The following EYA3 variants were observed in gnomAD, a reference collection of about 807,000 sequenced individuals.
EYA3 encodes the protein protein phosphatase EYA3.
In EYA3, 39 loss-of-function variants were observed where a neutral mutation model predicts 80.0. The observed-to-expected ratio is 0.49, with a 90% CI of 0.38 to 0.64. EYA3 has a LOEUF of 0.64. Ranked by LOEUF, EYA3 falls within the 30% of genes least tolerant of loss-of-function variation. The pLI is 0.00. For synonymous variants in EYA3, 206 were observed against 232.8 expected, an observed-to-expected ratio of 0.88 and a Z score of 1.05; for missense variants, 523 against 676.1, an observed-to-expected ratio of 0.77 and a Z score of 2.51.
intron 14 of EYA3, 39 bp from the exon 15 acceptor site, chr1:27,989,850 C>T: frequency 7.4e-7 from 1 of 1,355,350 alleles, no homozygotes; most frequent in Non-Finnish European, 1.0e-6. Flanking sequence ...CATTTGACAA[C>T]ATATATTTGC....
At chr1:28,080,621 G>A (rs564267644) in intron 1 of EYA3, among the ~76,000 whole-genome samples, 5 of 150,618 alleles carry the variant, frequency 3.3e-5, no homozygotes, top group African/African-American at 1.2e-4. Context: ...GTATTTTATA[G>A]TGGGTCATGA....
chr1:28,007,488 C>T (rs1416221476), intron 10 of EYA3, among the ~76,000 whole-genome samples: 1 of 151,846 alleles, frequency 6.6e-6, no homozygotes, highest in East Asian at 1.9e-4. Context: ...GCGCCTGCCA[C>T]CATGCCCGTC....
At chr1:28,044,736 G>T (rs777570523) in intron 3 of EYA3, among the ~76,000 whole-genome samples, 21 of 151,566 alleles carry the variant, frequency 1.4e-4, no homozygotes, top group Non-Finnish European at 2.7e-4. Flanking sequence ...TATAATAAGG[G>T]TTTTTTTTAA....
chr1:27,992,891 AG>A (rs1276217480), intron 14 of EYA3, among the ~76,000 whole-genome samples: 1 of 152,214 alleles, frequency 6.6e-6, no homozygotes, highest in Non-Finnish European at 1.5e-5. Context: ...ATAGAATTTT[AG>A]GCTTAGTGGC....
At chr1:28,019,282 G>A (rs1385487327) in intron 7 of EYA3, among the ~76,000 whole-genome samples, 6 of 152,132 alleles carry the variant, frequency 3.9e-5, no homozygotes, top group Admixed American at 3.3e-4. Flanking sequence ...ACTCTTAAGG[G>A]CTTACTTTCC....
rs942264086 is a variant in EYA3 at position 27,971,707 on chromosome 1, C to A, written c.*2759G>T. The A allele has an allele frequency of 1.1e-4, 17 of 152,108 alleles. No homozygotes were observed. Among genetic ancestry groups the A allele is most frequent in the Admixed American group, 7.9e-4 (12 of 15,270 alleles). 9.4% of individuals were successfully genotyped at this position (152,108 alleles called of 1,614,324 possible). A position where few individuals can be genotyped will look rare whatever the true frequency, so the allele number is the denominator to read the frequency against. ...AGGACTCTAATGAAGAGGGTCTCCC[C>A]CTTGATGAATGGACCCACAGTGTCC... On this transcript the variant is annotated 3_prime_UTR_variant, in exon 18 of 18. Transcript: ENST00000373871.
chr1:27,993,822 T>G (rs1640238988), intron 13 of EYA3, among the ~76,000 whole-genome samples: 1 of 152,176 alleles, frequency 6.6e-6, no homozygotes, highest in African/African-American at 2.4e-5. Flanking sequence ...GAGGTTGACT[T>G]GGGATAAGGC....
chr1:28,016,728 A>T (rs1340760463), intron 8 of EYA3, among the ~76,000 whole-genome samples: 3 of 152,208 alleles, frequency 2.0e-5, no homozygotes, highest in Admixed American at 2.0e-4. Context: ...AACAGTGATC[A>T]AGAATAGACC....
Position 28,044,875 on chromosome 1 carries a change from G to C in EYA3, c.78-2225C>G, listed in dbSNP as rs114084478. 3.0e-3 allele frequency among the ~76,000 whole-genome samples: 456 copies of C among 152,138 alleles called. 2 individuals carry two copies. Among genetic ancestry groups the C allele is most frequent in the African/African-American group, 0.01 (424 of 41,500 alleles). On this transcript the variant is annotated intron_variant, in intron 3 of 17. Transcript: ENST00000373871. Reference sequence around the variant, plus strand: ...CAGCTTTGACCTCCCGGGCTCAAGTGATCTTCCTACCTCATCCTCCGAAGT... The same window carrying C: ...CAGCTTTGACCTCCCGGGCTCAAGTCATCTTCCTACCTCATCCTCCGAAGT...
chr1:28,054,688 G>GATTTTGTAT (rs1261153615), intron 2 of EYA3, among the ~76,000 whole-genome samples: 2 of 152,088 alleles, frequency 1.3e-5, no homozygotes, highest in African/African-American at 4.8e-5. Flanking sequence ...GCAAAACCCC[G>GATTTTGTAT]TGTCTACTGA....
chr1:28,074,428 G>T (rs1409116035), intron 1 of EYA3, among the ~76,000 whole-genome samples: 1 of 151,842 alleles, frequency 6.6e-6, no homozygotes, highest in Non-Finnish European at 1.5e-5. Context: ...TTCTGTTAGG[G>T]CAAACCAAGT....
At chr1:27,989,904 A>T (rs1639917737) in intron 14 of EYA3, 93 bp from the exon 15 acceptor site, 1 of 636,352 alleles carries the variant, frequency 1.6e-6, no homozygotes, top group Non-Finnish European at 2.7e-6. Context: ...AAAAAGTGTG[A>T]GTCACTGAAA....
At chr1:28,035,741 T>C (rs1643418515) in intron 5 of EYA3, 61 bp from the exon 6 acceptor site, 5 of 1,490,356 alleles carry the variant, frequency 3.4e-6, no homozygotes, top group Non-Finnish European at 4.6e-6. Flanking sequence ...GAAAAATAGG[T>C]AAAATAGCTA....
intron 14 of EYA3, chr1:27,990,325 G>A (rs1639959976): frequency 6.3e-6 from 1 of 158,728 alleles, no homozygotes; most frequent in Non-Finnish European, 1.4e-5. Flanking sequence ...TGAAGCCCAG[G>A]AAGCACTAGT....
intron 1 of EYA3, among the ~76,000 whole-genome samples, chr1:28,067,134 A>G (rs938497316): frequency 5.3e-5 from 8 of 152,240 alleles, no homozygotes; most frequent in Admixed American, 4.6e-4. Context: ...AAAAGAGGTC[A>G]TAAGATTGGC....
intron 1 of EYA3, among the ~76,000 whole-genome samples, chr1:28,082,676 T>C (rs1436426354): frequency 1.3e-5 from 2 of 152,200 alleles, no homozygotes; most frequent in East Asian, 1.9e-4. Flanking sequence ...TCTTCTGTTT[T>C]ATATTTCAAA....
In EYA3 at chr1:28,064,374, C is replaced by A. The variant is rs1335579422; in HGVS notation, c.-68-6280G>T. Among the ~76,000 whole-genome samples, 38 of 116,036 alleles carry A rather than the reference C, an allele frequency of 3.3e-4. No homozygotes were observed. The East Asian group carries it at 4.1e-3, about 12-fold the overall frequency. The allele number at this position is 116,036 out of a possible 152,430, so 76.1% of individuals were successfully genotyped here. A position where few individuals can be genotyped will look rare whatever the true frequency, so the allele number is the denominator to read the frequency against. On this transcript the variant is annotated intron_variant, in intron 1 of 17. Coordinates refer to ENST00000373871, the MANE Select transcript of EYA3 (RefSeq NM_001990.4). Reference sequence around the variant, plus strand: ...AGCAAGCCATCCTCTCTCTCTCTCTCTCTCTATATATATATATATAAATAT... The same window carrying A: ...AGCAAGCCATCCTCTCTCTCTCTCTATCTCTATATATATATATATAAATAT...
intron 11 of EYA3, 95 bp downstream of exon 11, chr1:28,004,241 C>A: frequency 1.2e-6 from 1 of 831,814 alleles, no homozygotes; most frequent in Non-Finnish European, 1.9e-6. Flanking sequence ...AGCCAGCCAA[C>A]AGGGGTAGCA....
intron 7 of EYA3, among the ~76,000 whole-genome samples, chr1:28,019,705 CTTTT>C (rs1383375119): frequency 1.3e-5 from 2 of 151,686 alleles, no homozygotes; most frequent in Non-Finnish European, 2.9e-5. Flanking sequence ...TCTCCATATC[CTTTT>C]TTTCTTTTTT....
Sources: allele counts gnomAD v4.1 joint callset (sites outside exome capture counted in the v4.1 genomes callset), GRCh38; gene constraint gnomAD v4.1.1; transcripts MANE v1.5; gene names NCBI Gene and HGNC (gene_info 2026-07-23, HGNC 2026-07-21).